Variants in DSCAML1 observed in about 807,000 individuals in gnomAD.
The protein encoded by DSCAML1 is DS cell adhesion molecule like 1.
In DSCAML1, 38 loss-of-function variants were observed where a neutral mutation model predicts 200.5. The observed-to-expected ratio is 0.19, with a 90% CI of 0.15 to 0.25. DSCAML1 has a LOEUF of 0.25. DSCAML1 is among the 10% of genes least tolerant of loss of function. The pLI, the probability that DSCAML1 is intolerant of heterozygous loss-of-function variation, is 1.00. For missense variants in DSCAML1, 2,223 were observed against 2,858.8 expected (o/e 0.78, Z 5.07); for synonymous variants, 1,215 against 1,165.0 (o/e 1.04, Z -0.87).
At chr11:117,602,948 C>T (rs1003053375) in intron 3 of DSCAML1, among the ~76,000 whole-genome samples, 1 of 152,032 alleles carries the variant, frequency 6.6e-6, no homozygotes, top group South Asian at 2.1e-4. Flanking sequence ...AAAAAAAGTA[C>T]AACCAGGTGT....
In DSCAML1 at chr11:117,600,989, G is replaced by A. The variant is rs540712122; in HGVS notation, c.512-68467C>T. Among the ~76,000 whole-genome samples the A allele has an allele frequency of 2.6e-5, 4 of 152,280 alleles. No homozygotes were observed. In the South Asian group the frequency reaches 6.2e-4, roughly 24 times the overall value. On this transcript the variant is annotated intron_variant, in intron 3 of 32. Transcript: ENST00000651296. ...ACGGGAGGGAGGGCAGGAATCATCC[G>A]AGAGTAGTTCCCACCTCCTCAGCTG...
At chr11:117,650,036 G>A (rs1263026188) in intron 3 of DSCAML1, among the ~76,000 whole-genome samples, 1 of 152,220 alleles carries the variant, frequency 6.6e-6, no homozygotes, top group East Asian at 1.9e-4. Flanking sequence ...GCACAGGCTA[G>A]GCCACTAACT....
chr11:117,754,239 T>C (rs1430710817), intron 3 of DSCAML1, among the ~76,000 whole-genome samples: 1 of 152,216 alleles, frequency 6.6e-6, no homozygotes, highest in African/African-American at 2.4e-5. Context: ...CACTCCATGA[T>C]GTGCCTTTCT....
chr11:117,503,756 G>A lies in DSCAML1; in HGVS notation c.2359+89C>T, dbSNP rs534004404. 12 of 1,414,374 alleles carry A rather than the reference G, an allele frequency of 8.5e-6. No homozygotes were observed. In the African/African-American group the frequency reaches 8.5e-5, roughly 10 times the overall value. The allele number at this position is 1,414,374 out of a possible 1,614,324, so 87.6% of individuals were successfully genotyped here. On this transcript the variant is annotated intron_variant, in intron 11 of 32. Transcript: ENST00000651296. The surrounding 1 kb of genome is among the most constrained non-coding windows in gnomAD (Gnocchi z 5.2). ...GCCTCCCCTTCATAGATGAAACGAC[G>A]GAGACTAAGAGAGTAGGCAGGGAGA...
intron 3 of DSCAML1, among the ~76,000 whole-genome samples, chr11:117,649,633 C>A (rs573335201): frequency 6.6e-6 from 1 of 152,292 alleles, no homozygotes; most frequent in South Asian, 2.1e-4. Flanking sequence ...TGGGCTCGTC[C>A]CTACCAAACC....
chr11:117,535,424 C>A (rs1417327778), intron 3 of DSCAML1, among the ~76,000 whole-genome samples: 1 of 152,198 alleles, frequency 6.6e-6, no homozygotes, highest in Non-Finnish European at 1.5e-5. Context: ...TTTGTGGACA[C>A]CCCGCTCTGC....
intron 3 of DSCAML1, among the ~76,000 whole-genome samples, chr11:117,575,308 G>C (rs1166090452): frequency 6.6e-6 from 1 of 152,206 alleles, no homozygotes; most frequent in Non-Finnish European, 1.5e-5. Flanking sequence ...GATGACGCAT[G>C]GTTTGAGACC....
chr11:117,450,673 G>A lies in DSCAML1; in HGVS notation c.3584C>T (p.Ala1195Val). 1 of 1,614,052 alleles carries A rather than the reference G, an allele frequency of 6.2e-7. No homozygotes were observed. Among genetic ancestry groups the A allele is most frequent in the South Asian group, 1.1e-5 (1 of 91,052 alleles). Residue 1195 changes from alanine to valine, a missense_variant, in exon 20 of 33, where the codon GCT (alanine) becomes GTT (valine). This residue lies in a region of DSCAML1 where 438 missense variants were observed against 629.7 expected (regional missense o/e 0.70). Transcript: ENST00000651296. ...TGATGAAGGGACAGCTTTGATGCCA[G>A]CAGGGGGACCTGGAACTGAGCAGGG... ...QTKEDVPGPP[A>V]GIKAVPSSAS...
rs2049489006 is a variant in DSCAML1 at position 117,505,978 on chromosome 11, C to T, written c.1784-246G>A. On this transcript the variant is annotated intron_variant, in intron 8 of 32. Transcript: ENST00000651296. The surrounding 1 kb of genome is among the most constrained non-coding windows in gnomAD (Gnocchi z 6.7). ...CTTGACTGGCCTGGATTAACTCTGA[C>T]CTTTTGATGTGTCCTGGAATTTGAT... Among the ~76,000 whole-genome samples, 1 of 152,228 alleles carries T rather than the reference C, an allele frequency of 6.6e-6. No homozygotes were observed. Among genetic ancestry groups the T allele is most frequent in the African/African-American group, 2.4e-5 (1 of 41,464 alleles).
rs182404535 is a variant in DSCAML1 at position 117,759,164 on chromosome 11, C to T, written c.511+17627G>A. ...TTGAGACCCGGGTCCCCGGTCCCAT[C>T]AAGGCTGTGAGTGGCGTCTATAAGA... On this transcript the variant is annotated intron_variant, in intron 3 of 32. Transcript: ENST00000651296. Among the ~76,000 whole-genome samples the T allele has an allele frequency of 5.9e-5, 9 of 152,294 alleles. 1 individual carries two copies. The East Asian group carries it at 1.4e-3, about 23-fold the overall frequency.
At chr11:117,729,616 T>C (rs891093194) in intron 3 of DSCAML1, among the ~76,000 whole-genome samples, 3 of 152,228 alleles carry the variant, frequency 2.0e-5, no homozygotes, top group African/African-American at 7.2e-5. Flanking sequence ...ATTATGTCTT[T>C]ATATCTAAGA....
rs144220158 is a variant in DSCAML1 at position 117,594,355 on chromosome 11, C to A, written c.512-61833G>T. 4.4e-4 allele frequency among the ~76,000 whole-genome samples: 67 copies of A among 152,320 alleles called. 2 individuals are homozygous for A. The East Asian group carries it at 0.013, about 29-fold the overall frequency. On this transcript the variant is annotated intron_variant, in intron 3 of 32. Coordinates refer to ENST00000651296, the MANE Select transcript of DSCAML1 (RefSeq NM_020693.4). ...TTTTGTGCATGAAATGCCAGTAGAT[C>A]CCTCAGTCACTCTGACACCCAAGTA... is the stretch of plus-strand genomic sequence containing the variant.
intron 3 of DSCAML1, among the ~76,000 whole-genome samples, chr11:117,696,915 G>C (rs1183412397): frequency 6.6e-6 from 1 of 152,144 alleles, no homozygotes; most frequent in African/African-American, 2.4e-5. Flanking sequence ...GTCATCTGAG[G>C]CAGCTGCTGG....
At chr11:117,731,677 G>T (rs747411050) in intron 3 of DSCAML1, among the ~76,000 whole-genome samples, 2 of 152,194 alleles carry the variant, frequency 1.3e-5, no homozygotes, top group Non-Finnish European at 2.9e-5. Context: ...CTTCCCTGTC[G>T]TTTAATACCA....
intron 3 of DSCAML1, among the ~76,000 whole-genome samples, chr11:117,605,741 T>A (rs2051553399): frequency 6.6e-6 from 1 of 152,158 alleles, no homozygotes; most frequent in Admixed American, 6.5e-5. Flanking sequence ...GGTGAACACC[T>A]CCTGCCCCAG....
intron 3 of DSCAML1, among the ~76,000 whole-genome samples, chr11:117,774,713 T>A (rs760239647): frequency 6.6e-6 from 1 of 152,186 alleles, no homozygotes; most frequent in Non-Finnish European, 1.5e-5. Flanking sequence ...AGAGTAACAC[T>A]TTATTGGATA....
intron 3 of DSCAML1, among the ~76,000 whole-genome samples, chr11:117,600,949 G>T (rs1265450017): frequency 6.6e-6 from 1 of 152,198 alleles, no homozygotes; most frequent in Non-Finnish European, 1.5e-5. Flanking sequence ...AGTCTTGGGA[G>T]GGCCCTGCAG....
chr11:117,715,533 G>C lies in DSCAML1; in HGVS notation c.511+61258C>G, dbSNP rs547166217. Among the ~76,000 whole-genome samples the C allele has an allele frequency of 1.5e-4, 23 of 152,342 alleles. No homozygotes were observed. The East Asian group carries it at 4.4e-3, about 29-fold the overall frequency. ...GCACTGGGGATGTGGTGGTGAACTA[G>C]ACAGCGATAGCTCTTGCCTGCATGG... On this transcript the variant is annotated intron_variant, in intron 3 of 32. Coordinates refer to ENST00000651296, the MANE Select transcript of DSCAML1 (RefSeq NM_020693.4).
chr11:117,692,698 C>T (rs2053518417), intron 3 of DSCAML1, among the ~76,000 whole-genome samples: 1 of 152,202 alleles, frequency 6.6e-6, no homozygotes, highest in African/African-American at 2.4e-5. Flanking sequence ...TTCCCCTCTG[C>T]TTCCCTGACC....
Sources: gnomAD v4.1 joint callset for allele counts (sites outside exome capture counted in the v4.1 genomes callset) on GRCh38, gnomAD v4.1.1 for gene constraint, gnomAD v4.1.1 regional missense constraint, Gnocchi (gnomAD v3.1) non-coding constraint, MANE v1.5 for transcripts, NCBI Gene and HGNC (gene_info 2026-07-23, HGNC 2026-07-21) for gene names.